Variants in GAB4 observed in about 807,000 individuals in gnomAD.
GAB4 encodes GRB2 associated binding protein family member 4, also known as GRB2-associated-binding protein 4.
A neutral mutation model predicts 51.3 loss-of-function variants in GAB4; 26 were observed. That is an observed-to-expected ratio of 0.51 (90% CI 0.37 to 0.70). The LOEUF (loss-of-function observed/expected upper bound fraction) is 0.70. GAB4 is among the 30% of genes least tolerant of loss of function. GAB4 has a pLI of 0.00. For synonymous variants in GAB4, 329 were observed against 291.2 expected (o/e 1.13, Z -1.32); for missense variants, 759 against 734.6 (o/e 1.03, Z -0.38).
At chr22:16,983,802 T>A (rs1282038334) in intron 3 of GAB4, among the ~76,000 whole-genome samples, 1 of 152,076 alleles carries the variant, frequency 6.6e-6, no homozygotes, top group Non-Finnish European at 1.5e-5. Flanking sequence ...AAAAATCAAC[T>A]CAAAATTGAT....
chr22:16,970,217 G>A (rs778704284), intron 3 of GAB4, 24 bp from the exon 4 acceptor site: 1 of 1,612,968 alleles, frequency 6.2e-7, no homozygotes, highest in Non-Finnish European at 8.5e-7. Flanking sequence ...AGAAGGGAAG[G>A]GGCAGGGGTG....
At chr22:16,970,244 GC>G in intron 3 of GAB4, 51 bp from the exon 4 acceptor site, 2 of 1,598,698 alleles carry the variant, frequency 1.3e-6, no homozygotes, top group South Asian at 1.1e-5. Context: ...GGCCAGGACT[GC>G]CCCAGGGAGG....
rs1329490484 is a variant in GAB4, at chr22:17,007,885, C to T, written c.174+56G>A. ...CAGGCCGCCTCCCCCACGCCCCTCC[C>T]GGAGTCCCCAGACCCTCCGTGGCGC... On this transcript the variant is annotated intron_variant, in intron 1 of 9. Transcript: ENST00000400588. The T allele has an allele frequency of 4.0e-5, 59 of 1,470,952 alleles. 1 individual carries two copies. Among genetic ancestry groups the T allele is most frequent in the South Asian group, 2.7e-4 (20 of 74,846 alleles). 91.1% of individuals were successfully genotyped at this position (1,470,952 alleles called of 1,614,324 possible).
intron 9 of GAB4, 106 bp from the exon 10 acceptor site, chr22:16,962,982 C>A (rs556225570): frequency 4.7e-5 from 49 of 1,041,804 alleles, no homozygotes; most frequent in Admixed American, 6.9e-5. Flanking sequence ...GGGGAAGGAA[C>A]CTCTGCCTCC....
intron 3 of GAB4, among the ~76,000 whole-genome samples, chr22:16,984,912 C>A (rs2060855198): frequency 6.6e-6 from 1 of 152,212 alleles, no homozygotes; most frequent in Non-Finnish European, 1.5e-5. Context: ...GTTTTAACCA[C>A]TGGCCCCACT....
intron 2 of GAB4, among the ~76,000 whole-genome samples, chr22:16,988,966 C>G (rs893662032): frequency 6.6e-6 from 1 of 152,136 alleles, no homozygotes; most frequent in Non-Finnish European, 1.5e-5. Flanking sequence ...TCTGAAACTT[C>G]AGGGACCGAC....
intron 3 of GAB4, among the ~76,000 whole-genome samples, chr22:16,977,817 A>G (rs1382061534): frequency 1.3e-5 from 2 of 152,246 alleles, no homozygotes; most frequent in African/African-American, 4.8e-5. Context: ...AAGGGAAATC[A>G]TAACAAACAG....
At position 16,964,882 on chromosome 22, in the gene GAB4, A is replaced by T. The variant is rs776010472; in HGVS notation, c.1380-20T>A. 6.3e-7 allele frequency: 1 copy of T among 1,595,154 alleles called. No individual in the cohort carries two copies. Among genetic ancestry groups the T allele is most frequent in the Non-Finnish European group, 8.6e-7 (1 of 1,163,410 alleles). On this transcript the variant is annotated intron_variant, in intron 7 of 9. Coordinates refer to ENST00000400588, the MANE Select transcript of GAB4 (RefSeq NM_001037814.1). ...GTGTGGCTGTCATGGGAAGAAGGCA[A>T]GGAGTACATCCTGGGTGGGGCTCAG...
At chr22:17,007,837 A>T in intron 1 of GAB4, 104 bp downstream of exon 1, 2 of 1,091,390 alleles carry the variant, frequency 1.8e-6, no homozygotes, top group Non-Finnish European at 2.6e-6. Context: ...AGTCGCCTCC[A>T]CCCGCAGCTC....
intron 6 of GAB4, among the ~76,000 whole-genome samples, chr22:16,965,871 C>T (rs1393781770): frequency 6.6e-6 from 1 of 152,238 alleles, no homozygotes; most frequent in Non-Finnish European, 1.5e-5. Flanking sequence ...ACAGACCAAA[C>T]TTCACTGGAC....
At chr22:16,979,920 T>C (rs1213764718) in intron 3 of GAB4, among the ~76,000 whole-genome samples, 1 of 152,252 alleles carries the variant, frequency 6.6e-6, no homozygotes, top group Non-Finnish European at 1.5e-5. Context: ...AAGGATTCCC[T>C]ATTTAATAAA....
intron 5 of GAB4, chr22:16,967,108 AATTTGTG>A (rs2060682601): frequency 6.6e-6 from 1 of 152,190 alleles, no homozygotes; most frequent in Non-Finnish European, 1.5e-5. Flanking sequence ...GTCCAACTAC[AATTTGTG>A]ACAAATCTAT....
In GAB4 at chr22:16,988,055, C is replaced by G. The variant is rs761618061; in HGVS notation, c.591G>C (p.Pro197=). The change falls in exon 3 of 10, where the codon CCG becomes CCC. Residue 197 remains proline, a synonymous_variant. Coordinates refer to ENST00000400588, the MANE Select transcript of GAB4 (RefSeq NM_001037814.1). ...AGGTGGGCGGCACACAGTGAGACAC[C>G]GGGGGCTCAGATGTGGGTTCTTGTT... is the stretch of plus-strand genomic sequence containing the variant. ...PQEQEPTSEP[P]VSHCVPPTWP... 4 of 1,607,162 alleles carry G rather than the reference C, an allele frequency of 2.5e-6. No individual in the cohort carries two copies. The highest frequency in any genetic ancestry group is 3.4e-6 in the Non-Finnish European group (4 of 1,177,024).
At chr22:16,971,970 T>C (rs1418050994) in intron 3 of GAB4, among the ~76,000 whole-genome samples, 1 of 152,170 alleles carries the variant, frequency 6.6e-6, no homozygotes, top group African/African-American at 2.4e-5. Flanking sequence ...TGAACACGTC[T>C]CTAGAGCATG....
chr22:16,999,856 G>A (rs1243401078), intron 1 of GAB4, among the ~76,000 whole-genome samples: 1 of 152,128 alleles, frequency 6.6e-6, no homozygotes, highest in African/African-American at 2.4e-5. Context: ...GTTCTCATTG[G>A]TTTCAAAGAA....
At chr22:16,978,260 A>T (rs2060796944) in intron 3 of GAB4, among the ~76,000 whole-genome samples, 1 of 152,220 alleles carries the variant, frequency 6.6e-6, no homozygotes, top group Non-Finnish European at 1.5e-5. Flanking sequence ...TTTGGAAAAG[A>T]TTAACAAATT....
At chr22:17,005,204 A>G (rs1569114402) in intron 1 of GAB4, among the ~76,000 whole-genome samples, 1 of 152,212 alleles carries the variant, frequency 6.6e-6, no homozygotes, top group Non-Finnish European at 1.5e-5. Flanking sequence ...CTATACACCA[A>G]TAATAGACAA....
At chr22:16,969,908 C>A in intron 4 of GAB4, 35 bp downstream of exon 4, 1 of 1,613,302 alleles carries the variant, frequency 6.2e-7, no homozygotes, top group Non-Finnish European at 8.5e-7. Context: ...ACTCCTGGAA[C>A]AGGGTGCTTC....
chr22:16,968,308 C>G lies in GAB4; in HGVS notation c.1013G>C (p.Cys338Ser), dbSNP rs1357179327. ...RPAESMHEGVCSFLPGRTLVG... is the reference protein window; with the variant it reads ...RPAESMHEGVSSFLPGRTLVG... ...TTAAGCCATACTCACCAGGAAAGAA[C>G]AGACTCCCTCATGCATGGACTCAGC... is the stretch of plus-strand genomic sequence containing the variant. Residue 338 changes from cysteine to serine, a missense_variant, in exon 5 of 10, where the codon TGT (cysteine) becomes TCT (serine). By Grantham distance (112) the Cys-to-Ser change is moderately radical. Coordinates refer to ENST00000400588, the MANE Select transcript of GAB4 (RefSeq NM_001037814.1). 2.5e-6 allele frequency: 4 copies of G among 1,613,406 alleles called. No homozygotes were observed. In the South Asian group the frequency reaches 3.3e-5, roughly 13 times the overall value.
Sources: gnomAD v4.1 joint callset for allele counts (sites outside exome capture counted in the v4.1 genomes callset) on GRCh38, gnomAD v4.1.1 for gene constraint, MANE v1.5 for transcripts, NCBI Gene and HGNC (gene_info 2026-07-23, HGNC 2026-07-21) for gene names.